Variants in POU2F1 observed in about 807,000 individuals in gnomAD.
POU2F1 encodes the protein POU class 2 homeobox 1.
In POU2F1, 16 loss-of-function variants were observed where a neutral mutation model predicts 84.9. The ratio of observed to expected loss-of-function variants is 0.19; its 90% CI spans 0.13 to 0.29. The LOEUF (loss-of-function observed/expected upper bound fraction) is 0.29, where lower values mean the gene tolerates loss of function less well. Ranked by LOEUF, POU2F1 falls within the 10% of genes least tolerant of loss-of-function variation. POU2F1 has a pLI of 1.00. For synonymous variants in POU2F1, 368 were observed against 368.3 expected (o/e 1.00, Z 0.01); for missense variants, 738 against 942.6 (o/e 0.78, Z 2.84).
intron 1 of POU2F1, among the ~76,000 whole-genome samples, chr1:167,253,786 A>G (rs1009655728): frequency 1.3e-5 from 2 of 152,010 alleles, no homozygotes; most frequent in African/African-American, 4.8e-5. Flanking sequence ...CCCATACCCC[A>G]TTTTAATTTG....
rs533645821 is a variant in POU2F1 at position 167,422,769 on chromosome 1, T to C, written c.*6959T>C. 24 of 152,342 alleles carry C rather than the reference T, an allele frequency of 1.6e-4. No homozygotes were observed. Among genetic ancestry groups the C allele is most frequent in the African/African-American group, 5.8e-4 (24 of 41,576 alleles). The allele number at this position is 152,342 out of a possible 1,614,324, so 9.4% of individuals were successfully genotyped here. A position where few individuals can be genotyped will look rare whatever the true frequency, so the allele number is the denominator to read the frequency against. ...GATACCAAAGACACTGCTAATGTCA[T>C]TGCTTATCCTTAAGTTTTCAAAACA... On this transcript the variant is annotated 3_prime_UTR_variant, in exon 16 of 16. Transcript: ENST00000367866.
intron 13 of POU2F1, among the ~76,000 whole-genome samples, chr1:167,402,963 G>A (rs1649312388): frequency 6.6e-6 from 1 of 152,116 alleles, no homozygotes; most frequent in Admixed American, 6.5e-5. Context: ...TACACATTAA[G>A]AACAAATAGC....
Position 167,417,818 on chromosome 1 carries a change from CT to C in POU2F1, c.*2012del, listed in dbSNP as rs1292574659. ...GCAGTAAATACAGACACAATGTGTA[CT>C]TTTGTGTGTGATTCAAGTGGGAGAC... On this transcript the variant is annotated 3_prime_UTR_variant, in exon 16 of 16. Transcript: ENST00000367866. 1 of 152,220 alleles carries C rather than the reference CT, an allele frequency of 6.6e-6. No individual in the cohort carries two copies. The highest frequency in any genetic ancestry group is 2.4e-5 in the African/African-American group (1 of 41,448). The allele number at this position is 152,220 out of a possible 1,614,324, so 9.4% of individuals were successfully genotyped here.
At chr1:167,361,437 T>G (rs1169575382) in intron 2 of POU2F1, among the ~76,000 whole-genome samples, 2 of 152,216 alleles carry the variant, frequency 1.3e-5, no homozygotes, top group Non-Finnish European at 1.5e-5. Context: ...GATGATCATA[T>G]GGTTTTTGTT....
chr1:167,310,436 A>G (rs1166680827), intron 1 of POU2F1, among the ~76,000 whole-genome samples: 1 of 152,094 alleles, frequency 6.6e-6, no homozygotes, highest in Non-Finnish European at 1.5e-5. Context: ...CATACCTAAA[A>G]CCAAATGACA....
chr1:167,319,954 A>G (rs1214650909), intron 1 of POU2F1, among the ~76,000 whole-genome samples: 2 of 152,180 alleles, frequency 1.3e-5, no homozygotes, highest in African/African-American at 2.4e-5. Flanking sequence ...AGGCATTAAC[A>G]TGGGTTAAAT....
chr1:167,299,750 G>C (rs934401395), intron 1 of POU2F1, among the ~76,000 whole-genome samples: 10 of 148,738 alleles, frequency 6.7e-5, no homozygotes, highest in African/African-American at 2.6e-4. Flanking sequence ...CCAAAGAGTG[G>C]GATAAAGCAT....
chr1:167,334,573 A>G (rs1657308988), intron 2 of POU2F1, among the ~76,000 whole-genome samples: 3 of 152,214 alleles, frequency 2.0e-5, no homozygotes, highest in Admixed American at 6.5e-5. Flanking sequence ...CACATTGTGT[A>G]TGTCCAGACC....
chr1:167,414,513 A>C (rs1408089820), intron 15 of POU2F1: 1 of 985,226 alleles, frequency 1.0e-6, no homozygotes, highest in Non-Finnish European at 1.2e-6. Context: ...TCAAATCTAC[A>C]TGTAGGAGTG....
chr1:167,247,217 A>C (rs371415736), intron 1 of POU2F1, among the ~76,000 whole-genome samples: 1 of 152,044 alleles, frequency 6.6e-6, no homozygotes, highest in African/African-American at 2.4e-5. Flanking sequence ...CTGAGACCAT[A>C]GGCGTGTGCC....
At chr1:167,397,366 C>A (rs1648881729) in intron 10 of POU2F1, among the ~76,000 whole-genome samples, 1 of 152,110 alleles carries the variant, frequency 6.6e-6, no homozygotes, top group Non-Finnish European at 1.5e-5. Context: ...ATCCCCAGAA[C>A]TTATAAACAA....
chr1:167,383,429 A>G (rs1647717062), intron 7 of POU2F1: 1 of 153,886 alleles, frequency 6.5e-6, no homozygotes, highest in African/African-American at 2.4e-5. Context: ...ATTATCACCA[A>G]CAGGCAAATG....
At chr1:167,276,205 TCTTTC>T (rs558945864) in intron 1 of POU2F1, among the ~76,000 whole-genome samples, 73 of 152,334 alleles carry the variant, frequency 4.8e-4, no homozygotes, top group African/African-American at 1.7e-3. Context: ...AGGACGTGAA[TCTTTC>T]CTTTGTTCAG....
rs1650244632 is a variant in POU2F1 at position 167,415,562 on chromosome 1, G to T, written c.2053G>T (p.Ala685Ser). The change falls in exon 16 of 16, where the codon GCC becomes TCC. Residue 685 changes from alanine (A) to serine (S), a missense_variant. Coordinates refer to ENST00000367866, the MANE Select transcript of POU2F1 (RefSeq NM_002697.4). The stretch of plus-strand genomic sequence containing the variant: ...TGATGCAACTGGGAACCTGGTATTT[G>T]CCAATGCGGGAGGAGCCCCCAACAT... ...SLDATGNLVF[A>S]NAGGAPNIVT... 2 of 1,613,984 alleles carry T rather than the reference G, an allele frequency of 1.2e-6. No homozygotes were observed. The highest frequency in any genetic ancestry group is 3.3e-5 in the Admixed American group (2 of 59,998).
At chr1:167,247,094 GA>G (rs1166678213) in intron 1 of POU2F1, among the ~76,000 whole-genome samples, 1 of 150,174 alleles carries the variant, frequency 6.7e-6, no homozygotes, top group Non-Finnish European at 1.5e-5. Flanking sequence ...TTTCCTTAAA[GA>G]AACAGGGTCT....
At chr1:167,396,263 C>T (rs371842014) in intron 9 of POU2F1, 23 bp from the exon 10 acceptor site, 53 of 1,612,368 alleles carry the variant, frequency 3.3e-5, no homozygotes, top group Admixed American at 1.2e-4. Context: ...CTCTCCTCTT[C>T]TCCTGCTCTG....
At chr1:167,299,540 G>C (rs972896005) in intron 1 of POU2F1, among the ~76,000 whole-genome samples, 1 of 152,134 alleles carries the variant, frequency 6.6e-6, no homozygotes, top group African/African-American at 2.4e-5. Flanking sequence ...TACGTGCAAG[G>C]ACCCTCCTGT....
intron 1 of POU2F1, among the ~76,000 whole-genome samples, chr1:167,328,669 C>G (rs1656871636): frequency 6.6e-6 from 1 of 152,124 alleles, no homozygotes; most frequent in Admixed American, 6.5e-5. Context: ...CCAGTTAGGT[C>G]CAAGAAGCCA....
chr1:167,293,940 C>T (rs763997672), intron 1 of POU2F1, among the ~76,000 whole-genome samples: 1 of 152,056 alleles, frequency 6.6e-6, no homozygotes, highest in African/African-American at 2.4e-5. Flanking sequence ...TATCTCTCAC[C>T]TTATACAAAA....
Sources: allele counts gnomAD v4.1 joint callset (sites outside exome capture counted in the v4.1 genomes callset), GRCh38; gene constraint gnomAD v4.1.1; transcripts MANE v1.5; gene names NCBI Gene and HGNC (gene_info 2026-07-23, HGNC 2026-07-21).